The following TEX14 variants were observed in gnomAD, a reference collection of about 807,000 sequenced individuals.
TEX14 encodes the protein inactive serine/threonine-protein kinase TEX14.
TEX14 carries 168 observed loss-of-function variants against 178.6 expected under a neutral mutation model. That is an observed-to-expected ratio of 0.94 (90% confidence interval 0.83 to 1.07). The LOEUF is 1.07. TEX14 is among the 50% of genes least tolerant of loss of function. TEX14 has a pLI of 0.00. For synonymous variants in TEX14, 626 were observed against 634.1 expected (o/e 0.99, Z 0.19); for missense variants, 1,730 against 1,753.6 (o/e 0.99, Z 0.24).
At chr17:58,597,824 CAGG>C (rs1418621942) in intron 14 of TEX14, among the ~76,000 whole-genome samples, 1 of 152,294 alleles carries the variant, frequency 6.6e-6, no homozygotes, top group South Asian at 2.1e-4. Flanking sequence ...TGCTGGGACA[CAGG>C]AGGAGTCAGA....
At chr17:58,595,860 C>T (rs1190185312) in intron 14 of TEX14, among the ~76,000 whole-genome samples, 5 of 152,198 alleles carry the variant, frequency 3.3e-5, no homozygotes, top group Admixed American at 6.5e-5. Context: ...GTTGTTGCTA[C>T]GCAGCAATAG....
chr17:58,593,426 T>G (rs1304116309), intron 15 of TEX14, 129 bp downstream of exon 15: 3 of 702,938 alleles, frequency 4.3e-6, no homozygotes, highest in African/African-American at 3.5e-5. Flanking sequence ...AACCTGCCAA[T>G]CTGCATTACT....
intron 3 of TEX14, among the ~76,000 whole-genome samples, chr17:58,626,121 TCCCTTTCCTGCCC>T (rs1008915841): frequency 6.6e-6 from 1 of 152,056 alleles, no homozygotes; most frequent in Non-Finnish European, 1.5e-5. Context: ...CTTTCCTGGC[TCCCTTTCCTGCCC>T]CCCTTTCCTG....
chr17:58,577,022 T>C (rs1324706883), intron 21 of TEX14, among the ~76,000 whole-genome samples: 1 of 152,224 alleles, frequency 6.6e-6, no homozygotes, highest in Admixed American at 6.5e-5. Context: ...TAAATTTTCA[T>C]CTCTCTGGGA....
At chr17:58,587,492 C>A in intron 17 of TEX14, 89 bp downstream of exon 17, 1 of 809,168 alleles carries the variant, frequency 1.2e-6, no homozygotes, top group Non-Finnish European at 2.0e-6. Context: ...AAATGTGCAA[C>A]ACAGGTTGTG....
chr17:58,676,741 C>G (rs1474971457), intron 1 of TEX14, among the ~76,000 whole-genome samples: 5 of 152,028 alleles, frequency 3.3e-5, no homozygotes. Flanking sequence ...ATCCCAGCAC[C>G]TTGAGAGGCC....
chr17:58,616,183 G>A lies in TEX14; in HGVS notation c.759C>T (p.Val253=), dbSNP rs2045867600. The A allele has an allele frequency of 6.2e-7, 1 of 1,613,154 alleles. No homozygotes were observed. Among genetic ancestry groups the A allele is most frequent in the Non-Finnish European group, 8.5e-7 (1 of 1,179,698 alleles). Residue 253 remains valine, a synonymous_variant, in exon 7 of 32, where the codon GTC becomes GTT. Coordinates refer to ENST00000349033, the MANE Select transcript of TEX14 (RefSeq NM_031272.5). ...TFSFFSGPYM[V]MTNLVWNGSR... ...GGCCAGCCCCCACTTACTTGGTCAT[G>A]ACCATGTAGGGGCCGCTGAAGAAAG...
intron 2 of TEX14, among the ~76,000 whole-genome samples, chr17:58,650,298 C>T (rs1285020406): frequency 1.3e-5 from 2 of 152,124 alleles, no homozygotes; most frequent in Non-Finnish European, 2.9e-5. Flanking sequence ...ATGATCCACC[C>T]TCCTTGGCCT....
chr17:58,643,911 T>G (rs2046634056), intron 2 of TEX14, among the ~76,000 whole-genome samples: 1 of 105,736 alleles, frequency 9.5e-6, no homozygotes, highest in Non-Finnish European at 1.9e-5. Context: ...AAAAGAAGCC[T>G]AAGTCATCTT....
chr17:58,615,357 G>T lies in TEX14; in HGVS notation c.768-12C>A. 6.5e-7 allele frequency: 1 copy of T among 1,539,030 alleles called. No homozygotes were observed. The highest frequency in any genetic ancestry group is 9.0e-7 in the Non-Finnish European group (1 of 1,111,914). ...CATTCCACACTAGGCTACAAGGACAGGAAAGAGTTTCAGCAGAAAGGAGTG... is the reference window on the plus strand; with the variant it reads ...CATTCCACACTAGGCTACAAGGACATGAAAGAGTTTCAGCAGAAAGGAGTG... On this transcript the variant is annotated splice_polypyrimidine_tract_variant and intron_variant, in intron 7 of 31. Coordinates refer to ENST00000349033, the MANE Select transcript of TEX14 (RefSeq NM_031272.5).
intron 20 of TEX14, among the ~76,000 whole-genome samples, chr17:58,578,986 T>C (rs78305354): frequency 0.019 from 2,826 of 152,254 alleles, 69 homozygotes; most frequent in African/African-American, 0.063. Flanking sequence ...AATAGATGAG[T>C]ACATACCTTA....
intron 1 of TEX14, among the ~76,000 whole-genome samples, chr17:58,657,172 G>A (rs1336387567): frequency 6.6e-6 from 1 of 151,744 alleles, no homozygotes; most frequent in Non-Finnish European, 1.5e-5. Flanking sequence ...GTCTCACTAT[G>A]TTGCCCAGGC....
intron 2 of TEX14, among the ~76,000 whole-genome samples, chr17:58,635,895 G>A (rs549764261): frequency 1.9e-4 from 29 of 152,010 alleles, no homozygotes; most frequent in Admixed American, 1.6e-3. Flanking sequence ...ACAGGCAGCC[G>A]CCACTACGCC....
At chr17:58,599,772 GT>G (rs1487878384) in intron 13 of TEX14, 106 bp from the exon 14 acceptor site, 9 of 820,946 alleles carry the variant, frequency 1.1e-5, no homozygotes, top group Non-Finnish European at 1.7e-5. Context: ...AAAAAAAAAA[GT>G]TTTTTATTTT....
At chr17:58,596,137 G>T (rs1280466443) in intron 14 of TEX14, among the ~76,000 whole-genome samples, 1 of 151,540 alleles carries the variant, frequency 6.6e-6, no homozygotes, top group Non-Finnish European at 1.5e-5. Context: ...GAGCTGAGAT[G>T]GTGCCACTGC....
Position 58,613,516 on chromosome 17 carries a change from A to C in TEX14, c.910T>G (p.Leu304Val), listed in dbSNP as rs2045796878. 13 of 1,614,198 alleles carry C rather than the reference A, an allele frequency of 8.1e-6. No homozygotes were observed. Among genetic ancestry groups the C allele is most frequent in the Non-Finnish European group, 1.0e-5 (12 of 1,180,014 alleles). ...SKLRHPYLLQLMAVCLSQDLE... is the reference protein window; with the variant it reads ...SKLRHPYLLQVMAVCLSQDLE... ...TCCTGGGAGAGACACACAGCCATCA[A>C]CTGTAGCAAGTAGGGGTGCCGCAGC... Residue 304 changes from leucine (L) to valine (V), a missense_variant, in exon 9 of 32, where the codon TTG becomes GTG. By Grantham distance (32) the Leu-to-Val change is conservative. This residue lies in a region of TEX14 where 789 missense variants were observed against 681.2 expected (regional missense o/e 1.16). Transcript: ENST00000349033.
chr17:58,569,261 C>T lies in TEX14; in HGVS notation c.3818-1G>A, dbSNP rs55759912. 985 of 1,613,678 alleles carry T rather than the reference C, an allele frequency of 6.1e-4. 3 individuals carry two copies. In the African/African-American group the frequency reaches 6.6e-3, roughly 11 times the overall value. On this transcript the variant is annotated splice_acceptor_variant, in intron 25 of 31. Transcript: ENST00000349033. LOFTEE classifies it high-confidence loss of function. This position sits in a 1 kb window ranked among gnomAD's most constrained non-coding sequence, Gnocchi z 4.1. The stretch of plus-strand genomic sequence containing the variant: ...ATGTGATGCTGTGAGAAGGCTTCTA[C>T]TAGTTTTTAAAAAAGACAAAAGGGA...
At chr17:58,668,542 T>C (rs985338882) in intron 1 of TEX14, among the ~76,000 whole-genome samples, 1 of 152,170 alleles carries the variant, frequency 6.6e-6, no homozygotes, top group Admixed American at 6.5e-5. Flanking sequence ...TTCACACACC[T>C]TAACTCATTT....
intron 3 of TEX14, 144 bp from the exon 4 acceptor site, chr17:58,623,156 T>C (rs1598395071): frequency 3.2e-6 from 2 of 617,072 alleles, no homozygotes; most frequent in Non-Finnish European, 5.6e-6. Flanking sequence ...GTGAGGCCCC[T>C]GTCTGTGCCC....
Sources: gnomAD v4.1 joint callset for allele counts (sites outside exome capture counted in the v4.1 genomes callset) on GRCh38, gnomAD v4.1.1 for gene constraint, gnomAD v4.1.1 regional missense constraint, Gnocchi (gnomAD v3.1) non-coding constraint, MANE v1.5 for transcripts, NCBI Gene and HGNC (gene_info 2026-07-23, HGNC 2026-07-21) for gene names.